The following PLAC9 variants were observed in gnomAD, a reference collection of about 807,000 sequenced individuals.
PLAC9 encodes the protein placenta-specific protein 9.
A neutral mutation model predicts 11.5 loss-of-function variants in PLAC9; 12 were observed. That is an observed-to-expected ratio of 1.05 (90% CI 0.67 to 1.69). PLAC9 has a LOEUF of 1.69. PLAC9 is among the 40% of genes most tolerant of loss of function. The probability of loss-of-function intolerance (pLI) is 0.00; values close to 1 mark genes in which losing one functional copy is unlikely to be tolerated. For missense variants in PLAC9, 132 were observed against 130.5 expected (o/e 1.01, Z -0.06); for synonymous variants, 62 against 58.1 (o/e 1.07, Z -0.31).
intron 1 of PLAC9, among the ~76,000 whole-genome samples, chr10:80,136,195 C>T (rs1217094979): frequency 6.6e-6 from 1 of 152,208 alleles, no homozygotes; most frequent in Non-Finnish European, 1.5e-5. Context: ...AGCGTGTTCT[C>T]ACCAGCACAG....
At chr10:80,132,356 G>A (rs1433152689), upstream of PLAC9, among the ~76,000 whole-genome samples, 5 of 152,172 alleles carry the variant, frequency 3.3e-5, no homozygotes, top group African/African-American at 9.7e-5. Context: ...GTGATGCCGA[G>A]GAAGACACTT....
Position 80,145,048 on chromosome 10 carries a change from C to T in PLAC9, c.*138C>T. 8.8e-7 allele frequency: 1 copy of T among 1,134,102 alleles called. No homozygotes were observed. Among genetic ancestry groups the T allele is most frequent in the South Asian group, 1.3e-5 (1 of 75,678 alleles). 70.3% of individuals were successfully genotyped at this position (1,134,102 alleles called of 1,614,324 possible). ...TTCTGGTCTCCTCTGTGTCTGCTGACAGAGTAACCCGTTTAACTACAGCCT... is the reference window on the plus strand; with the variant it reads ...TTCTGGTCTCCTCTGTGTCTGCTGATAGAGTAACCCGTTTAACTACAGCCT... On this transcript the variant is annotated 3_prime_UTR_variant, in exon 4 of 4. Transcript: ENST00000372263.
chr10:80,142,046 AAG>A (rs761393289), intron 1 of PLAC9, 34 bp from the exon 2 acceptor site: 1 of 1,561,884 alleles, frequency 6.4e-7, no homozygotes, highest in Non-Finnish European at 8.8e-7. Flanking sequence ...ATGGAAAACT[AAG>A]GGTCCCACAG....
chr10:80,132,585 G>A (rs867130092), upstream of PLAC9: 42 of 473,186 alleles, frequency 8.9e-5, no homozygotes, highest in African/African-American at 8.0e-4. Context: ...TGGGCTCCGC[G>A]CTGCCCACGG....
upstream of PLAC9, chr10:80,132,468 G>A (rs1844923180): frequency 7.8e-6 from 3 of 384,774 alleles, no homozygotes; most frequent in Admixed American, 9.9e-5. Flanking sequence ...AATGCCCCCC[G>A]CCCCGCCTTC....
intron 1 of PLAC9, among the ~76,000 whole-genome samples, chr10:80,135,729 G>C (rs1438060080): frequency 6.6e-6 from 1 of 151,994 alleles, no homozygotes; most frequent in African/African-American, 2.4e-5. Context: ...CCCATATTTT[G>C]GAGTTTTTTA....
chr10:80,138,951 C>CTTTTTTTTT (rs773767546), intron 1 of PLAC9, among the ~76,000 whole-genome samples: 1 of 131,316 alleles, frequency 7.6e-6, no homozygotes, highest in Admixed American at 7.8e-5. Context: ...TGCAATATTC[C>CTTTTTTTTT]TTTTTTTTTT....
In PLAC9 at chr10:80,132,749, G is replaced by A; in HGVS notation, c.-14G>A. ...GCGGGCAGACGCGGCGCTGCGCTCGGCCAGGCCGGCACCATGCGGCCCCTG... is the reference window on the plus strand; with the variant it reads ...GCGGGCAGACGCGGCGCTGCGCTCGACCAGGCCGGCACCATGCGGCCCCTG... On this transcript the variant is annotated 5_prime_UTR_variant, in exon 1 of 4. Transcript: ENST00000372263. 6.9e-7 allele frequency: 1 copy of A among 1,455,378 alleles called. No individual in the cohort carries two copies. The highest frequency in any genetic ancestry group is 9.0e-7 in the Non-Finnish European group (1 of 1,113,554). 90.2% of individuals were successfully genotyped at this position (1,455,378 alleles called of 1,614,324 possible). A position where few individuals can be genotyped will look rare whatever the true frequency, so the allele number is the denominator to read the frequency against.
chr10:80,142,722 C>T (rs532724331), intron 2 of PLAC9, among the ~76,000 whole-genome samples: 2 of 150,914 alleles, frequency 1.3e-5, no homozygotes, highest in African/African-American at 4.9e-5. Context: ...TTAATAAATA[C>T]ATTTTATTTT....
intron 1 of PLAC9, among the ~76,000 whole-genome samples, chr10:80,139,652 G>A (rs1318994354): frequency 6.6e-6 from 1 of 152,074 alleles, no homozygotes; most frequent in African/African-American, 2.4e-5. Context: ...CCCTTACCTA[G>A]TGGTGCACTG....
At chr10:80,136,173 G>T (rs556787522) in intron 1 of PLAC9, among the ~76,000 whole-genome samples, 1 of 152,142 alleles carries the variant, frequency 6.6e-6, no homozygotes, top group African/African-American at 2.4e-5. Context: ...TGGGGCCTCC[G>T]GGCTCCACAG....
upstream of PLAC9, among the ~76,000 whole-genome samples, chr10:80,132,016 G>A (rs1006279064): frequency 1.3e-5 from 2 of 152,228 alleles, no homozygotes; most frequent in African/African-American, 4.8e-5. Flanking sequence ...GGATGGGCAT[G>A]TCCCATAGGG....
chr10:80,142,041 A>G, intron 1 of PLAC9, 41 bp from the exon 2 acceptor site: 1 of 1,552,066 alleles, frequency 6.4e-7, no homozygotes, highest in Non-Finnish European at 8.8e-7. Flanking sequence ...GCATTATGGA[A>G]AACTAAGGGT....
At position 80,144,160 on chromosome 10, in the gene PLAC9, T is replaced by C; in HGVS notation, c.163-63T>C. 2.5e-6 allele frequency: 4 copies of C among 1,611,174 alleles called. No homozygotes were observed. The South Asian group carries it at 4.4e-5, about 18-fold the overall frequency. ...GACCGCCAGCTGCTCTCTTAGGACC[T>C]AGCTGATGAAGCGGAACGTGGAACC... On this transcript the variant is annotated intron_variant, in intron 2 of 3. Coordinates refer to ENST00000372263, the MANE Select transcript of PLAC9 (RefSeq NM_001012973.3).
chr10:80,139,330 ATT>A (rs1845014920), intron 1 of PLAC9, among the ~76,000 whole-genome samples: 1 of 151,802 alleles, frequency 6.6e-6, no homozygotes, highest in Non-Finnish European at 1.5e-5. Flanking sequence ...ATTTCTCCCA[ATT>A]CATTGGCCCT....
intron 1 of PLAC9, among the ~76,000 whole-genome samples, chr10:80,133,678 T>G (rs1844939200): frequency 6.6e-6 from 1 of 152,144 alleles, no homozygotes; most frequent in Non-Finnish European, 1.5e-5. Flanking sequence ...TCCTTGCTTT[T>G]CACTGTCCGC....
chr10:80,144,414 A>T, intron 3 of PLAC9, 71 bp downstream of exon 3: 1 of 1,494,902 alleles, frequency 6.7e-7, no homozygotes, highest in South Asian at 1.3e-5. Context: ...CGAGACAGGG[A>T]CGGCTGCTCC....
intron 1 of PLAC9, among the ~76,000 whole-genome samples, chr10:80,135,955 C>A (rs927992971): frequency 2.6e-5 from 4 of 152,150 alleles, no homozygotes; most frequent in African/African-American, 9.7e-5. Flanking sequence ...TACAGCGGCA[C>A]CTTTCAGATG....
In PLAC9 at chr10:80,145,303, T is replaced by G. The variant is rs1471302470; in HGVS notation, c.*393T>G. On this transcript the variant is annotated 3_prime_UTR_variant, in exon 4 of 4. Transcript: ENST00000372263. ...TGTTTAATCCAAATCTGCATTGCAATGAGACCCCCAGGGATTTTATGTGTC... is the reference window on the plus strand; with the variant it reads ...TGTTTAATCCAAATCTGCATTGCAAGGAGACCCCCAGGGATTTTATGTGTC... 2 of 324,788 alleles carry G rather than the reference T, an allele frequency of 6.2e-6. No homozygotes were observed. The highest frequency in any genetic ancestry group is 1.1e-5 in the Non-Finnish European group (2 of 177,416). 20.1% of individuals were successfully genotyped at this position (324,788 alleles called of 1,614,324 possible). A position where few individuals can be genotyped will look rare whatever the true frequency, so the allele number is the denominator to read the frequency against.
Sources: allele counts gnomAD v4.1 joint callset (sites outside exome capture counted in the v4.1 genomes callset), GRCh38; gene constraint gnomAD v4.1.1; transcripts MANE v1.5; gene names NCBI Gene and HGNC (gene_info 2026-07-23, HGNC 2026-07-21).